Variants in GALNT9 observed in about 807,000 individuals in gnomAD.
GALNT9 encodes the protein GalNAc transferase 9.
GALNT9 carries 47 observed loss-of-function variants against 63.1 expected under a neutral mutation model. The observed-to-expected ratio is 0.75, with a 90% CI of 0.59 to 0.95. The LOEUF (loss-of-function observed/expected upper bound fraction) is 0.95, where lower values mean the gene tolerates loss of function less well. GALNT9 is among the 40% of genes least tolerant of loss of function. GALNT9 has a pLI of 0.00. For synonymous variants in GALNT9, 396 were observed against 365.7 expected, an observed-to-expected ratio of 1.08 and a Z score of -0.94; for missense variants, 829 against 874.8, an observed-to-expected ratio of 0.95 and a Z score of 0.66.
intron 6 of GALNT9, among the ~76,000 whole-genome samples, chr12:132,226,607 C>T (rs1216961732): frequency 2.0e-5 from 3 of 147,474 alleles, no homozygotes; most frequent in East Asian, 2.0e-4. Context: ...ACACACCCCA[C>T]ACCCCACTGT....
intron 2 of GALNT9, chr12:132,274,362 C>T (rs1292949156): frequency 6.6e-6 from 1 of 152,546 alleles, no homozygotes; most frequent in Non-Finnish European, 1.5e-5. Context: ...GCCACACACG[C>T]CCTCACCCTT....
In GALNT9 at chr12:132,296,036, A is replaced by AAACAGGGACGGCCTCCG. The variant is rs1566016732; in HGVS notation, c.239-9607_239-9606insCGGAGGCCGTCCCTGTT. The stretch of plus-strand genomic sequence containing the variant: ...AGCCTCCGGAACAGGGAGAGCCTCC[A>AAACAGGGACGGCCTCCG]GAACAGGGAGAGCCTCTGAACAGGG... On this transcript the variant is annotated intron_variant, in intron 1 of 10. Coordinates refer to ENST00000328957, the MANE Select transcript of GALNT9 (RefSeq NM_001122636.2). The surrounding 1 kb of genome is among the most constrained non-coding windows in gnomAD (Gnocchi z 4.2). Among the ~76,000 whole-genome samples the AAACAGGGACGGCCTCCG allele has an allele frequency of 3.5e-4, 47 of 132,800 alleles. 9 individuals carry two copies. Among genetic ancestry groups the AAACAGGGACGGCCTCCG allele is most frequent in the African/African-American group, 1.4e-3 (45 of 31,332 alleles). 87.1% of individuals were successfully genotyped at this position (132,800 alleles called of 152,430 possible).
intron 5 of GALNT9, among the ~76,000 whole-genome samples, chr12:132,256,739 C>G (rs1555239121): frequency 6.6e-6 from 1 of 152,042 alleles, no homozygotes; most frequent in East Asian, 1.9e-4. Context: ...GCCGGTTTTC[C>G]AAAGTGGCTG....
intron 7 of GALNT9, among the ~76,000 whole-genome samples, chr12:132,201,681 T>TG (rs1876133409): frequency 6.6e-6 from 1 of 152,180 alleles, no homozygotes; most frequent in African/African-American, 2.4e-5. Flanking sequence ...TACTGAGGCT[T>TG]GGGGGCTCCT....
At chr12:132,227,335 G>A (rs1877733503) in intron 6 of GALNT9, among the ~76,000 whole-genome samples, 3 of 152,102 alleles carry the variant, frequency 2.0e-5, no homozygotes, top group African/African-American at 7.2e-5. Context: ...TGCATTGCAC[G>A]GACAAAGGCC....
In GALNT9 at chr12:132,257,632, C is replaced by A. The variant is rs1187315362; in HGVS notation, c.959+57G>T. The A allele has an allele frequency of 9.3e-6, 13 of 1,395,202 alleles. No individual in the cohort carries two copies. In the Admixed American group the frequency reaches 2.0e-4, roughly 22 times the overall value. The allele number at this position is 1,395,202 out of a possible 1,614,324, so 86.4% of individuals were successfully genotyped here. A position where few individuals can be genotyped will look rare whatever the true frequency, so the allele number is the denominator to read the frequency against. ...GGCCCTCGTCCCCACGCCCGCCTCG[C>A]TCTGCTCCGCTCCTTGCCGGGCAGG... is the stretch of plus-strand genomic sequence containing the variant. On this transcript the variant is annotated intron_variant, in intron 5 of 10. Coordinates refer to ENST00000328957, the MANE Select transcript of GALNT9 (RefSeq NM_001122636.2).
At chr12:132,264,270 C>T (rs1879514952) in intron 2 of GALNT9, among the ~76,000 whole-genome samples, 1 of 152,240 alleles carries the variant, frequency 6.6e-6, no homozygotes, top group Non-Finnish European at 1.5e-5. Context: ...GGACGCTGGC[C>T]ACGCGGAGAA....
intron 1 of GALNT9, among the ~76,000 whole-genome samples, chr12:132,318,982 C>T (rs1288904933): frequency 6.6e-6 from 1 of 152,238 alleles, no homozygotes; most frequent in Non-Finnish European, 1.5e-5. Flanking sequence ...TGCTCATGCA[C>T]ACCGGGCAGC....
intron 1 of GALNT9, among the ~76,000 whole-genome samples, chr12:132,288,210 C>A (rs182555406): frequency 4.5e-4 from 68 of 152,294 alleles, no homozygotes; most frequent in Admixed American, 7.8e-4. Context: ...CTCCGCCCCC[C>A]ACAGGGCAGT....
At chr12:132,243,433 GCT>G (rs1257279084) in intron 6 of GALNT9, among the ~76,000 whole-genome samples, 8 of 98,670 alleles carry the variant, frequency 8.1e-5, no homozygotes, top group Non-Finnish European at 4.4e-5. Context: ...GTCTTCCGGA[GCT>G]CTCTCTCTCT....
intron 2 of GALNT9, among the ~76,000 whole-genome samples, chr12:132,285,925 A>AG (rs1555242092): frequency 6.6e-6 from 1 of 152,180 alleles, no homozygotes; most frequent in Non-Finnish European, 1.5e-5. Context: ...GAGGAGAGAC[A>AG]GGGAAGACAG....
At position 132,327,245 on chromosome 12, in the gene GALNT9, A is replaced by G. The variant is rs1313276478; in HGVS notation, c.238+1721T>C. ...AGCGAAGAGGAAGAAGGGAGGGGAC[A>G]GAGGACAGGAGGAAGCGGGATGGGA... On this transcript the variant is annotated intron_variant, in intron 1 of 10. Transcript: ENST00000328957. This position sits in a 1 kb window ranked among gnomAD's most constrained non-coding sequence, Gnocchi z 4.3. Among the ~76,000 whole-genome samples, 1 of 143,924 alleles carries G rather than the reference A, an allele frequency of 6.9e-6. No homozygotes were observed. Among genetic ancestry groups the G allele is most frequent in the Non-Finnish European group, 1.5e-5 (1 of 66,468 alleles). 94.4% of individuals were successfully genotyped at this position (143,924 alleles called of 152,430 possible).
In GALNT9 at chr12:132,329,554, GC is replaced by G. The variant is rs1236813601; in HGVS notation, c.-352del. Among the ~76,000 whole-genome samples the G allele has an allele frequency of 6.8e-6, 1 of 147,232 alleles. No individual in the cohort carries two copies. The highest frequency in any genetic ancestry group is 1.5e-5 in the Non-Finnish European group (1 of 66,022). On this transcript the variant is annotated 5_prime_UTR_variant, in exon 1 of 11. Transcript: ENST00000328957. The stretch of plus-strand genomic sequence containing the variant: ...CGGTGTCTGTGCCGGCTCCTGTCCT[GC>G]CCGCCCCGCAGCCACCGCGCCGGTG...
intron 4 of GALNT9, among the ~76,000 whole-genome samples, chr12:132,259,315 CT>C (rs1392314315): frequency 1.3e-5 from 2 of 152,228 alleles, no homozygotes; most frequent in Non-Finnish European, 2.9e-5. Context: ...CCTCGGGGAG[CT>C]TACCCGGCAT....
intron 8 of GALNT9, among the ~76,000 whole-genome samples, chr12:132,200,270 G>C (rs1875929223): frequency 6.6e-6 from 1 of 152,170 alleles, no homozygotes; most frequent in African/African-American, 2.4e-5. Context: ...TCTCATGGTG[G>C]GAGGCACCCC....
chr12:132,277,929 T>C (rs1240458565), intron 2 of GALNT9: 1 of 152,014 alleles, frequency 6.6e-6, no homozygotes, highest in African/African-American at 2.4e-5. Flanking sequence ...TCGTGTTGTT[T>C]ATAAGCCACC....
In GALNT9 at chr12:132,329,003, C is replaced by T; in HGVS notation, c.201G>A (p.Leu67=). 7.8e-6 allele frequency: 12 copies of T among 1,542,152 alleles called. No individual in the cohort carries two copies. Among genetic ancestry groups the T allele is most frequent in the African/African-American group, 1.4e-5 (1 of 72,978 alleles). ...LGDREAILQR[L]DHLEEVVYNQ... The stretch of plus-strand genomic sequence containing the variant: ...TGTAGACCACCTCCTCCAGGTGGTC[C>T]AGGCGCTGCAGGATGGCCTCACGGT... The change falls in exon 1 of 11, where the codon CTG becomes CTA. Residue 67 remains leucine, a synonymous_variant. Transcript: ENST00000328957.
rs1247253300 is a variant in GALNT9 at position 132,291,601 on chromosome 12, C to A, written c.239-5171G>T. On this transcript the variant is annotated intron_variant, in intron 1 of 10. Coordinates refer to ENST00000328957, the MANE Select transcript of GALNT9 (RefSeq NM_001122636.2). ...CACGTCCACACCGCCCACATCCACA[C>A]CACCCACCTCCACAGCACCCACGTC... Among the ~76,000 whole-genome samples the A allele has an allele frequency of 4.2e-4, 36 of 85,542 alleles. No individual in the cohort carries two copies. In the Middle Eastern group the frequency reaches 0.045, roughly 108 times the overall value. The allele number at this position is 85,542 out of a possible 152,430, so 56.1% of individuals were successfully genotyped here. A position where few individuals can be genotyped will look rare whatever the true frequency, so the allele number is the denominator to read the frequency against.
At chr12:132,206,808 G>C (rs1194952983) in intron 6 of GALNT9, among the ~76,000 whole-genome samples, 1 of 152,194 alleles carries the variant, frequency 6.6e-6, no homozygotes, top group Non-Finnish European at 1.5e-5. Context: ...GCTGACCTGA[G>C]TGCGGCACGC....
Sources: gnomAD v4.1 joint callset for allele counts (sites outside exome capture counted in the v4.1 genomes callset) on GRCh38, gnomAD v4.1.1 for gene constraint, Gnocchi (gnomAD v3.1) non-coding constraint, MANE v1.5 for transcripts, NCBI Gene and HGNC (gene_info 2026-07-23, HGNC 2026-07-21) for gene names.